Variants in RBFOX2 observed in about 807,000 individuals in gnomAD.
The protein encoded by RBFOX2 is RNA binding protein fox-1 homolog 2.
In RBFOX2, 10 loss-of-function variants were observed where a neutral mutation model predicts 49.1. That is an observed-to-expected ratio of 0.20 (90% CI 0.13 to 0.35). The LOEUF is 0.35. Ranked by LOEUF, RBFOX2 falls within the 10% of genes least tolerant of loss-of-function variation. The pLI, the probability that RBFOX2 is intolerant of heterozygous loss-of-function variation, is 1.00. For missense variants in RBFOX2, 323 were observed against 486.9 expected (o/e 0.66, Z 3.17); for synonymous variants, 183 against 187.4 (o/e 0.98, Z 0.19).
intron 1 of RBFOX2, chr22:35,840,057 G>C (rs1199976278): frequency 3.3e-6 from 4 of 1,219,416 alleles, no homozygotes; most frequent in Non-Finnish European, 4.8e-6. Flanking sequence ...AGACTTTTCA[G>C]CTGATAACAA....
intron 1 of RBFOX2, among the ~76,000 whole-genome samples, chr22:35,983,489 G>T (rs2057558535): frequency 1.3e-5 from 2 of 152,016 alleles, no homozygotes; most frequent in African/African-American, 4.8e-5. Context: ...ATTACTTTTA[G>T]GAGATGCTGA....
rs1393527818 is a variant in RBFOX2, at chr22:35,744,268, T to C, written c.1050-19A>G. 3.8e-6 allele frequency: 6 copies of C among 1,598,124 alleles called. No homozygotes were observed. In the Admixed American group the frequency reaches 1.0e-4, roughly 27 times the overall value. On this transcript the variant is annotated intron_variant, in intron 11 of 11. Transcript: ENST00000405409. ...AACTCGCCTGCAGTAATTAAAGAGA[T>C]AAAAATAATTAAAAGGTTGATGAGA...
intron 1 of RBFOX2, among the ~76,000 whole-genome samples, chr22:36,019,081 T>C (rs5756040): frequency 0.085 from 12,891 of 152,196 alleles, 584 homozygotes; most frequent in African/African-American, 0.11. Context: ...ACAAAACTTA[T>C]AAAATTTGAA....
At chr22:35,943,797 C>T (rs1019729911), upstream of RBFOX2, among the ~76,000 whole-genome samples, 4 of 152,098 alleles carry the variant, frequency 2.6e-5, no homozygotes, top group African/African-American at 7.2e-5. Flanking sequence ...CCCAGCTACT[C>T]GGGAGGCTGA....
chr22:35,789,193 T>C (rs1947064433), intron 2 of RBFOX2, among the ~76,000 whole-genome samples: 1 of 152,102 alleles, frequency 6.6e-6, no homozygotes, highest in East Asian at 1.9e-4. Context: ...ATAGGTTGTG[T>C]TGTAAACTTA....
chr22:35,972,241 A>G (rs1229703517), intron 1 of RBFOX2, among the ~76,000 whole-genome samples: 1 of 152,150 alleles, frequency 6.6e-6, no homozygotes, highest in East Asian at 1.9e-4. Flanking sequence ...TTTTTTAAGC[A>G]TTTAAATGAA....
At chr22:35,899,566 C>CAAAAAAAAA (rs398061920) in intron 1 of RBFOX2, among the ~76,000 whole-genome samples, 4 of 90,072 alleles carry the variant, frequency 4.4e-5, no homozygotes, top group African/African-American at 1.0e-4. Flanking sequence ...TAAAACAAAA[C>CAAAAAAAAA]AAAAAAAAAA....
chr22:35,977,283 C>A (rs2057219940), intron 1 of RBFOX2, among the ~76,000 whole-genome samples: 2 of 152,082 alleles, frequency 1.3e-5, no homozygotes, highest in Admixed American at 1.3e-4. Context: ...GTTTCTCATA[C>A]ACTTAAACAC....
At chr22:36,014,345 C>T (rs2058951170) in intron 1 of RBFOX2, among the ~76,000 whole-genome samples, 1 of 151,996 alleles carries the variant, frequency 6.6e-6, no homozygotes, top group African/African-American at 2.4e-5. Flanking sequence ...CTCCTGACCT[C>T]GTGATCCGCC....
At position 35,744,169 on chromosome 22, in the gene RBFOX2, G is replaced by A. The variant is rs754303742; in HGVS notation, c.*26C>T. 5 of 1,593,126 alleles carry A rather than the reference G, an allele frequency of 3.1e-6. No homozygotes were observed. The South Asian group carries it at 3.4e-5, about 11-fold the overall frequency. On this transcript the variant is annotated 3_prime_UTR_variant, in exon 12 of 12. Transcript: ENST00000405409. ...TTGCAATAGCCAGGCCTCATGAACTGGGGGGCTGTCCCATTTGCAGGGGTC... is the reference window on the plus strand; with the variant it reads ...TTGCAATAGCCAGGCCTCATGAACTAGGGGGCTGTCCCATTTGCAGGGGTC...
intron 1 of RBFOX2, among the ~76,000 whole-genome samples, chr22:36,019,768 G>A (rs1468942984): frequency 1.3e-5 from 2 of 152,154 alleles, no homozygotes; most frequent in Non-Finnish European, 2.9e-5. Context: ...TTTAAAAACA[G>A]AGAAGGGACT....
chr22:35,916,505 C>A (rs140818453), intron 1 of RBFOX2, among the ~76,000 whole-genome samples: 7 of 152,136 alleles, frequency 4.6e-5, no homozygotes, highest in Admixed American at 6.5e-5. Context: ...TGGTCTTGAA[C>A]GCCTAGCCTC....
At chr22:35,743,573 G>T (rs1930978850) in exon 12 of RBFOX2, 1 of 152,332 alleles carries the variant, frequency 6.6e-6, no homozygotes. Context: ...TAAGATGATT[G>T]TAAAAAGAAC....
intron 1 of RBFOX2, among the ~76,000 whole-genome samples, chr22:35,968,638 T>A (rs1332583025): frequency 1.3e-5 from 2 of 152,160 alleles, no homozygotes; most frequent in African/African-American, 4.8e-5. Flanking sequence ...ACCTGAGGAT[T>A]AAATTCTTCA....
At chr22:35,883,681 A>G (rs1569453580) in intron 1 of RBFOX2, among the ~76,000 whole-genome samples, 1 of 152,158 alleles carries the variant, frequency 6.6e-6, no homozygotes, top group Non-Finnish European at 1.5e-5. Context: ...ACCAGAGGGG[A>G]TCTGCAATGT....
exon 1 of RBFOX2, chr22:36,028,566 A>ACTCCGCGCCC (rs931065217): frequency 5.3e-5 from 42 of 785,544 alleles, no homozygotes; most frequent in Middle Eastern, 1.3e-3. Flanking sequence ...GCGCGAGCGG[A>ACTCCGCGCCC]CTCCGCGCCC....
intron 1 of RBFOX2, among the ~76,000 whole-genome samples, chr22:35,812,394 G>A (rs571234299): frequency 1.0e-3 from 155 of 152,168 alleles, no homozygotes; most frequent in Middle Eastern, 6.8e-3. Context: ...GTTATTTCTA[G>A]GTTAGGATAG....
intron 1 of RBFOX2, chr22:35,995,002 A>C (rs1465675244): frequency 6.6e-6 from 1 of 152,228 alleles, no homozygotes; most frequent in East Asian, 1.9e-4. Context: ...TATTGTCTTT[A>C]CTGAGATATC....
chr22:35,739,695 A>AC (rs916781136), exon 12 of RBFOX2: 1 of 152,678 alleles, frequency 6.5e-6, no homozygotes, highest in African/African-American at 2.4e-5. Flanking sequence ...AAACTCATGT[A>AC]CCCCCTGGGA....
Sources: gnomAD v4.1 joint callset for allele counts (sites outside exome capture counted in the v4.1 genomes callset) on GRCh38, gnomAD v4.1.1 for gene constraint, MANE v1.5 for transcripts, NCBI Gene and HGNC (gene_info 2026-07-23, HGNC 2026-07-21) for gene names.